The following ARHGEF38 variants were observed in gnomAD, a reference collection of about 807,000 sequenced individuals.
ARHGEF38 encodes the protein Rho guanine nucleotide exchange factor 38.
In ARHGEF38, 79 loss-of-function variants were observed where a neutral mutation model predicts 79.9. The observed-to-expected ratio is 0.99, with a 90% CI of 0.82 to 1.19. The LOEUF (loss-of-function observed/expected upper bound fraction) is 1.19. Ranked by LOEUF, ARHGEF38 falls within the 50% of genes most tolerant of loss-of-function variation. The pLI is 0.00. For missense variants in ARHGEF38, 962 were observed against 907.2 expected (o/e 1.06, Z -0.78); for synonymous variants, 366 against 328.3 (o/e 1.11, Z -1.24).
chr4:105,676,760 G>A (rs2110589734), intron 13 of ARHGEF38, among the ~76,000 whole-genome samples: 1 of 152,028 alleles, frequency 6.6e-6, no homozygotes, highest in East Asian at 1.9e-4. Flanking sequence ...TTAATACATT[G>A]TCATTATAAA....
rs1182067279 is a variant in ARHGEF38, at chr4:105,635,252, C to A, written c.657-1151C>A. Among the ~76,000 whole-genome samples, 3 of 151,930 alleles carry A rather than the reference C, an allele frequency of 2.0e-5. No individual in the cohort carries two copies. The East Asian group carries it at 5.8e-4, about 29-fold the overall frequency. ...GGGATTAGCTTCTGCAAAGTTTCAG[C>A]CTAAAAGAGATTTTTTTAAAAATGA... On this transcript the variant is annotated intron_variant, in intron 4 of 13. Transcript: ENST00000420470.
chr4:105,637,289 A>G (rs558015573), intron 5 of ARHGEF38, among the ~76,000 whole-genome samples: 1 of 152,268 alleles, frequency 6.6e-6, no homozygotes, highest in East Asian at 1.9e-4. Flanking sequence ...TCTGGAACTG[A>G]AGTGAAGGAG....
At chr4:105,648,459 A>C in intron 6 of ARHGEF38, 90 bp from the exon 7 acceptor site, 2 of 1,183,836 alleles carry the variant, frequency 1.7e-6, no homozygotes, top group Non-Finnish European at 1.1e-6. Context: ...TTTATCTTGA[A>C]TATAAATACT....
chr4:105,635,751 GT>G (rs1314819823), intron 4 of ARHGEF38, among the ~76,000 whole-genome samples: 1 of 151,980 alleles, frequency 6.6e-6, no homozygotes, highest in Non-Finnish European at 1.5e-5. Flanking sequence ...CAATAGGAGA[GT>G]TCTTTAAACA....
Position 105,625,179 on chromosome 4 carries a change from C to T in ARHGEF38, c.509-5719C>T, listed in dbSNP as rs181286178. Among the ~76,000 whole-genome samples, 48 of 152,258 alleles carry T rather than the reference C, an allele frequency of 3.2e-4. 1 individual carries two copies. Among genetic ancestry groups the T allele is most frequent in the Admixed American group, 1.6e-3 (25 of 15,282 alleles). On this transcript the variant is annotated intron_variant, in intron 3 of 13. Coordinates refer to ENST00000420470, the MANE Select transcript of ARHGEF38 (RefSeq NM_001242729.2). Reference sequence around the variant, plus strand: ...TAGTTTTTCTTGTTAATACAAGCAACATCCAACTTTATATCCTCCATAACT... The same window carrying T: ...TAGTTTTTCTTGTTAATACAAGCAATATCCAACTTTATATCCTCCATAACT...
chr4:105,666,850 T>G (rs1730769700), intron 11 of ARHGEF38, among the ~76,000 whole-genome samples: 1 of 152,216 alleles, frequency 6.6e-6, no homozygotes, highest in African/African-American at 2.4e-5. Flanking sequence ...TTAAAATGGT[T>G]GTGCAACATC....
chr4:105,583,419 C>T (rs1013633190), intron 1 of ARHGEF38, among the ~76,000 whole-genome samples: 10 of 152,140 alleles, frequency 6.6e-5, no homozygotes, highest in Non-Finnish European at 1.5e-4. Context: ...TGCTCTGCTT[C>T]CTGTTCCTTA....
intron 9 of ARHGEF38, among the ~76,000 whole-genome samples, chr4:105,657,932 C>G (rs1381348246): frequency 6.6e-6 from 1 of 152,012 alleles, no homozygotes; most frequent in East Asian, 1.9e-4. Context: ...AAACCTACTT[C>G]CAAATTATCA....
chr4:105,568,176 C>T (rs562805934), intron 1 of ARHGEF38, among the ~76,000 whole-genome samples: 3 of 152,124 alleles, frequency 2.0e-5, no homozygotes, highest in African/African-American at 7.2e-5. Context: ...TTAATCCAGT[C>T]CATCACATGA....
intron 1 of ARHGEF38, among the ~76,000 whole-genome samples, chr4:105,556,394 G>T (rs929052761): frequency 1.3e-5 from 2 of 152,112 alleles, no homozygotes; most frequent in Admixed American, 1.3e-4. Context: ...CAATAAAGTG[G>T]CATGATAGAA....
chr4:105,631,172 T>A (rs1729175384), intron 4 of ARHGEF38, 127 bp downstream of exon 4: 1 of 1,318,724 alleles, frequency 7.6e-7, no homozygotes. Flanking sequence ...GAGCTCTGCT[T>A]TGCATTCCCT....
chr4:105,633,763 A>G (rs945280629), intron 4 of ARHGEF38, among the ~76,000 whole-genome samples: 1 of 152,168 alleles, frequency 6.6e-6, no homozygotes, highest in Admixed American at 6.6e-5. Flanking sequence ...ATATATAAGC[A>G]TAGTTCTTGC....
chr4:105,604,190 A>G (rs1727943796), intron 2 of ARHGEF38, among the ~76,000 whole-genome samples: 1 of 152,162 alleles, frequency 6.6e-6, no homozygotes, highest in Admixed American at 6.5e-5. Flanking sequence ...GGGGAAGGGA[A>G]ACCATTGGAA....
intron 2 of ARHGEF38, among the ~76,000 whole-genome samples, chr4:105,604,838 C>G (rs913917835): frequency 6.1e-4 from 93 of 152,174 alleles, no homozygotes; most frequent in African/African-American, 2.2e-3. Context: ...AGCCACAAGC[C>G]TTTAAATATA....
intron 1 of ARHGEF38, among the ~76,000 whole-genome samples, chr4:105,562,024 T>C (rs1449264334): frequency 6.6e-6 from 1 of 151,730 alleles, no homozygotes; most frequent in Non-Finnish European, 1.5e-5. Flanking sequence ...ACTCCCTGTC[T>C]CTGATGATGA....
intron 2 of ARHGEF38, among the ~76,000 whole-genome samples, chr4:105,599,586 G>A (rs955038593): frequency 6.6e-5 from 10 of 151,934 alleles, no homozygotes; most frequent in African/African-American, 1.7e-4. Context: ...AAATTTCAGC[G>A]GCTGTGATTA....
At chr4:105,634,145 G>A (rs1729307060) in intron 4 of ARHGEF38, among the ~76,000 whole-genome samples, 1 of 152,138 alleles carries the variant, frequency 6.6e-6, no homozygotes, top group South Asian at 2.1e-4. Flanking sequence ...GTCCAGTTCA[G>A]GGTCTGCTCT....
chr4:105,649,780 T>C (rs1220654444), intron 7 of ARHGEF38, among the ~76,000 whole-genome samples: 1 of 152,158 alleles, frequency 6.6e-6, no homozygotes, highest in Admixed American at 6.5e-5. Flanking sequence ...CTTCTTCCTC[T>C]GGAAAGGGTT....
chr4:105,567,048 T>G lies in ARHGEF38; in HGVS notation c.196+14087T>G, dbSNP rs1318918473. ...GATTACACACCTCGCCTGCCATCCT[T>G]TTACTATCTATCTTCATGAGTTCAG... On this transcript the variant is annotated intron_variant, in intron 1 of 13. Transcript: ENST00000420470. Among the ~76,000 whole-genome samples, 4 of 152,140 alleles carry G rather than the reference T, an allele frequency of 2.6e-5. No homozygotes were observed. In the East Asian group the frequency reaches 7.7e-4, roughly 29 times the overall value.
Sources: gnomAD v4.1 joint callset for allele counts (sites outside exome capture counted in the v4.1 genomes callset) on GRCh38, gnomAD v4.1.1 for gene constraint, MANE v1.5 for transcripts, NCBI Gene and HGNC (gene_info 2026-07-23, HGNC 2026-07-21) for gene names.